The following SHROOM3 variants were observed in gnomAD, a reference collection of about 807,000 sequenced individuals.
SHROOM3 encodes the protein protein Shroom3.
SHROOM3 carries 47 observed loss-of-function variants against 138.6 expected under a neutral mutation model. The observed-to-expected ratio is 0.34, with a 90% CI of 0.27 to 0.43. The LOEUF is 0.43. SHROOM3 is among the 20% of genes least tolerant of loss of function. The pLI is 1.00. For missense variants in SHROOM3, 2,491 were observed against 2,596.5 expected (o/e 0.96, Z 0.88); for synonymous variants, 1,062 against 1,063.3 (o/e 1.00, Z 0.02).
At chr4:76,579,101 G>C (rs1433522291) in intron 2 of SHROOM3, among the ~76,000 whole-genome samples, 3 of 152,136 alleles carry the variant, frequency 2.0e-5, no homozygotes, top group Non-Finnish European at 4.4e-5. Flanking sequence ...GATCGCTTGA[G>C]CCCGGGAGGT....
intron 1 of SHROOM3, among the ~76,000 whole-genome samples, chr4:76,467,568 TAGAGCAAGCAAAGACCC>T (rs1367171996): frequency 6.6e-6 from 1 of 152,124 alleles, no homozygotes; most frequent in Non-Finnish European, 1.5e-5. Context: ...ACATACAGTC[TAGAGCAAGCAAAGACCC>T]AGGCTAGTGG....
At chr4:76,658,321 A>G (rs1229571545) in intron 2 of SHROOM3, among the ~76,000 whole-genome samples, 1 of 152,212 alleles carries the variant, frequency 6.6e-6, no homozygotes, top group East Asian at 1.9e-4. Flanking sequence ...GGGAGGTTCT[A>G]AAAATGGAAA....
chr4:76,733,609 C>G (rs1186454590), intron 4 of SHROOM3, among the ~76,000 whole-genome samples: 1 of 152,126 alleles, frequency 6.6e-6, no homozygotes, highest in Non-Finnish European at 1.5e-5. Flanking sequence ...GGGATCTGAT[C>G]TTGGCAGCGG....
chr4:76,673,940 G>A (rs1027923054), intron 2 of SHROOM3, among the ~76,000 whole-genome samples: 3 of 152,152 alleles, frequency 2.0e-5, no homozygotes, highest in Non-Finnish European at 2.9e-5. Context: ...TGGCGCAATC[G>A]TAGCTCACTG....
In SHROOM3 at chr4:76,740,338, A is replaced by AC. The variant is rs896319535; in HGVS notation, c.2168dup (p.Arg724AlafsTer85). ...AGCCATCTGGACCGGCAGGTTTCCT[A>AC]CCCGCGGCCCGAGGGGAGGACCGGT... On this transcript the variant is annotated frameshift_variant, in exon 5 of 11. Transcript: ENST00000296043. LOFTEE classifies it high-confidence loss of function. The surrounding 1 kb of genome is among the most constrained non-coding windows in gnomAD (Gnocchi z 4.0). The AC allele has an allele frequency of 6.2e-7, 1 of 1,613,008 alleles. No homozygotes were observed.
chr4:76,689,384 G>GAGCCAGCGCCGAGCCAGCGCC, intron 2 of SHROOM3, among the ~76,000 whole-genome samples: 1 of 125,558 alleles, frequency 8.0e-6, no homozygotes, highest in African/African-American at 2.9e-5. Flanking sequence ...GAGCCAGCGC[G>GAGCCAGCGCCGAGCCAGCGCC]GCCCCTCGGG....
chr4:76,554,419 GTT>G (rs33953968), intron 1 of SHROOM3, among the ~76,000 whole-genome samples: 22,342 of 121,662 alleles, frequency 0.18, 1,275 homozygotes, highest in East Asian at 0.29. Flanking sequence ...TTTTGTTTGT[GTT>G]TTTTTTTTTT....
At chr4:76,672,417 A>T (rs1038724743) in intron 2 of SHROOM3, among the ~76,000 whole-genome samples, 5 of 57,456 alleles carry the variant, frequency 8.7e-5, no homozygotes, top group African/African-American at 3.7e-4. Context: ...CAAATTAGGG[A>T]CCAAAAAAAA....
rs539327191 is a variant in SHROOM3, at chr4:76,531,712, C to T, written c.169-23897C>T. ...TATGTCTAGTCTATACAGTCCTCAGCCAACCAGTCACTTTGGCCAGCATTT... is the reference window on the plus strand; with the variant it reads ...TATGTCTAGTCTATACAGTCCTCAGTCAACCAGTCACTTTGGCCAGCATTT... On this transcript the variant is annotated intron_variant, in intron 1 of 10. Transcript: ENST00000296043. Among the ~76,000 whole-genome samples the T allele has an allele frequency of 3.9e-5, 6 of 152,228 alleles. No homozygotes were observed. The East Asian group carries it at 1.2e-3, about 29-fold the overall frequency.
chr4:76,593,691 C>T (rs56203069), intron 2 of SHROOM3, among the ~76,000 whole-genome samples: 10,740 of 152,258 alleles, frequency 0.071, 414 homozygotes, highest in East Asian at 0.15. Context: ...GCTTCTGCTT[C>T]ATCCTTCCAA....
At chr4:76,704,215 C>A (rs545517161) in intron 2 of SHROOM3, among the ~76,000 whole-genome samples, 8 of 152,320 alleles carry the variant, frequency 5.3e-5, no homozygotes, top group African/African-American at 1.7e-4. Context: ...TCCTATGATT[C>A]ATTCAGCAAA....
At chr4:76,481,573 G>T (rs1731611053) in intron 1 of SHROOM3, among the ~76,000 whole-genome samples, 1 of 151,182 alleles carries the variant, frequency 6.6e-6, no homozygotes, top group African/African-American at 2.4e-5. Flanking sequence ...ACAAAGAGGA[G>T]CTGTACCATT....
At chr4:76,603,409 C>A (rs1041977571) in intron 2 of SHROOM3, among the ~76,000 whole-genome samples, 1 of 151,748 alleles carries the variant, frequency 6.6e-6, no homozygotes, top group African/African-American at 2.4e-5. Flanking sequence ...GAGAATGAGA[C>A]TCTGTCTCAA....
At chr4:76,464,059 C>T (rs900939920) in intron 1 of SHROOM3, among the ~76,000 whole-genome samples, 1 of 152,210 alleles carries the variant, frequency 6.6e-6, no homozygotes, top group Non-Finnish European at 1.5e-5. Flanking sequence ...AGTCACTGTC[C>T]TCCATACCTC....
intron 5 of SHROOM3, among the ~76,000 whole-genome samples, chr4:76,747,672 T>C (rs1721484352): frequency 6.6e-6 from 1 of 152,174 alleles, no homozygotes; most frequent in South Asian, 2.1e-4. Flanking sequence ...AGTAGCACAT[T>C]CTTGTCAACA....
intron 2 of SHROOM3, among the ~76,000 whole-genome samples, chr4:76,672,421 A>C (rs1291258652): frequency 2.5e-3 from 21 of 8,558 alleles, no homozygotes; most frequent in Non-Finnish European, 8.2e-3. Context: ...TTAGGGACCA[A>C]AAAAAAAAAA....
chr4:76,711,366 A>G (rs984601346), intron 3 of SHROOM3, among the ~76,000 whole-genome samples: 1 of 152,196 alleles, frequency 6.6e-6, no homozygotes, highest in South Asian at 2.1e-4. Flanking sequence ...GAGTGCAACA[A>G]ATGTTATCAT....
chr4:76,607,026 A>ATG (rs1003694689), intron 2 of SHROOM3, among the ~76,000 whole-genome samples: 6 of 151,526 alleles, frequency 4.0e-5, no homozygotes, highest in Admixed American at 2.0e-4. Context: ...ATTTATATGT[A>ATG]TGTGTGTGTG....
In SHROOM3 at chr4:76,465,967, G is replaced by A. The variant is rs187177622; in HGVS notation, c.168+29747G>A. On this transcript the variant is annotated intron_variant, in intron 1 of 10. Coordinates refer to ENST00000296043, the MANE Select transcript of SHROOM3 (RefSeq NM_020859.4). ...ACTTTTAAATATAAAATTTTAAAAT[G>A]AATCCAGGGAAGACATTAAATTCCC... 4.1e-3 allele frequency among the ~76,000 whole-genome samples: 630 copies of A among 152,278 alleles called. 1 individual carries two copies. The highest frequency in any genetic ancestry group is 6.7e-3 in the Non-Finnish European group (459 of 68,020).
Sources: gnomAD v4.1 joint callset for allele counts (sites outside exome capture counted in the v4.1 genomes callset) on GRCh38, gnomAD v4.1.1 for gene constraint, Gnocchi (gnomAD v3.1) non-coding constraint, MANE v1.5 for transcripts, NCBI Gene and HGNC (gene_info 2026-07-23, HGNC 2026-07-21) for gene names.